Variants in NT5DC3 observed in about 807,000 individuals in gnomAD.
NT5DC3 encodes the protein 5'-nucleotidase domain containing 3.
A neutral mutation model predicts 67.8 loss-of-function variants in NT5DC3; 42 were observed. The observed-to-expected ratio is 0.62, with a 90% CI of 0.48 to 0.80. The LOEUF (loss-of-function observed/expected upper bound fraction) is 0.80. NT5DC3 is among the 30% of genes least tolerant of loss of function. The pLI is 0.00. For synonymous variants in NT5DC3, 237 were observed against 255.6 expected (o/e 0.93, Z 0.69); for missense variants, 570 against 696.4 (o/e 0.82, Z 2.04).
At chr12:103,755,604 C>A in the NT5DC3 span, 1 of 1,613,996 alleles carries the variant, frequency 6.2e-7, no homozygotes, top group Non-Finnish European at 8.5e-7. Context: ...TGTGCCTCTG[C>A]CCTCCAGATG....
At chr12:103,770,154 T>C (rs999920229), downstream of NT5DC3, among the ~76,000 whole-genome samples, 1 of 152,222 alleles carries the variant, frequency 6.6e-6, no homozygotes, top group Non-Finnish European at 1.5e-5. Context: ...TACACTTCCA[T>C]TCACTGAAAG....
At chr12:103,808,662 G>T (rs1047769982) in intron 2 of NT5DC3, among the ~76,000 whole-genome samples, 16 of 152,310 alleles carry the variant, frequency 1.1e-4, no homozygotes, top group African/African-American at 3.8e-4. Context: ...GCGTTTCCAA[G>T]AATTGAGAAC....
intron 7 of NT5DC3, 79 bp from the exon 8 acceptor site, chr12:103,793,591 G>T: frequency 9.7e-7 from 1 of 1,029,690 alleles, no homozygotes; most frequent in South Asian, 1.3e-5. Flanking sequence ...ATGGGGGTTT[G>T]GGTCCAGCAC....
chr12:103,825,153 A>G (rs1279637622), intron 1 of NT5DC3, among the ~76,000 whole-genome samples: 1 of 152,210 alleles, frequency 6.6e-6, no homozygotes, highest in Non-Finnish European at 1.5e-5. Flanking sequence ...TTTTTCCATT[A>G]GTTTATATAT....
At position 103,820,096 on chromosome 12, in the gene NT5DC3, AG is replaced by A. The variant is rs1887430417; in HGVS notation, c.209-4976del. 2.0e-5 allele frequency among the ~76,000 whole-genome samples: 3 copies of A among 152,158 alleles called. No individual in the cohort carries two copies. In the South Asian group the frequency reaches 6.2e-4, roughly 32 times the overall value. ...AGCATATGTCAGCCTCTCCTTCCTA[AG>A]GCTGCACAGTCCATTGTAGACATAA... On this transcript the variant is annotated intron_variant, in intron 1 of 13. Coordinates refer to ENST00000392876, the MANE Select transcript of NT5DC3 (RefSeq NM_001031701.3).
the NT5DC3 span, among the ~76,000 whole-genome samples, chr12:103,764,996 C>T: frequency 1.4e-5 from 2 of 138,858 alleles, no homozygotes; most frequent in Non-Finnish European, 3.0e-5. Context: ...GCTGAGGCAA[C>T]AGAATCGCTT....
chr12:103,795,960 A>C (rs1886294618), intron 6 of NT5DC3, among the ~76,000 whole-genome samples: 2 of 152,260 alleles, frequency 1.3e-5, no homozygotes, highest in African/African-American at 4.8e-5. Context: ...GGCGTTATTC[A>C]AGGACCTGTT....
the NT5DC3 span, among the ~76,000 whole-genome samples, chr12:103,756,997 ATATATATATATATATAT>A: frequency 1.5e-5 from 2 of 130,152 alleles, no homozygotes; most frequent in Non-Finnish European, 3.4e-5. Flanking sequence ...AGGAGGGAAA[ATATATATATATATATAT>A]ATATATATAT....
At chr12:103,750,554 A>T in the NT5DC3 span, 1 of 1,611,162 alleles carries the variant, frequency 6.2e-7, no homozygotes, top group Admixed American at 1.7e-5. Context: ...GAACTTTTTC[A>T]TCTCTTCCCA....
At chr12:103,757,040 A>G in the NT5DC3 span, among the ~76,000 whole-genome samples, 1 of 145,238 alleles carries the variant, frequency 6.9e-6, no homozygotes, top group African/African-American at 2.5e-5. Flanking sequence ...TAAAATATAT[A>G]TATTAAAGTA....
At chr12:103,761,651 G>A in the NT5DC3 span, among the ~76,000 whole-genome samples, 5 of 152,220 alleles carry the variant, frequency 3.3e-5, no homozygotes, top group African/African-American at 1.2e-4. Context: ...ATGAAAGGGG[G>A]AGGATGGGCC....
At chr12:103,750,329 C>T in the NT5DC3 span, among the ~76,000 whole-genome samples, 3,334 of 152,276 alleles carry the variant, frequency 0.022, 136 homozygotes, top group African/African-American at 0.076. Context: ...AATGGAAAAG[C>T]TACTTATGTA....
chr12:103,747,050 A>G, the NT5DC3 span, among the ~76,000 whole-genome samples: 1 of 146,318 alleles, frequency 6.8e-6, no homozygotes, highest in Admixed American at 7.1e-5. Context: ...TCCGCTTCCC[A>G]GGTTCAAGCA....
chr12:103,794,575 T>C (rs1432972342), intron 6 of NT5DC3, among the ~76,000 whole-genome samples: 1 of 152,244 alleles, frequency 6.6e-6, no homozygotes, highest in Non-Finnish European at 1.5e-5. Context: ...TAATTCTGAA[T>C]AAAGTCCCAC....
the NT5DC3 span, among the ~76,000 whole-genome samples, chr12:103,762,731 C>T: frequency 6.6e-6 from 1 of 152,218 alleles, no homozygotes; most frequent in Non-Finnish European, 1.5e-5. Context: ...TTGGAGGATT[C>T]ACTGCACAAG....
chr12:103,788,780 A>C (rs1055995064), intron 10 of NT5DC3, 58 bp downstream of exon 10: 4 of 1,073,154 alleles, frequency 3.7e-6, no homozygotes. Flanking sequence ...ATCAGCTATT[A>C]GCATTATTAC....
the NT5DC3 span, chr12:103,763,506 T>G: frequency 6.2e-7 from 1 of 1,614,108 alleles, no homozygotes; most frequent in Non-Finnish European, 8.5e-7. Context: ...AAGAGGACAT[T>G]AATGTTGCAG....
chr12:103,746,394 A>T, the NT5DC3 span: 282 of 537,258 alleles, frequency 5.2e-4, no homozygotes, highest in African/African-American at 4.9e-3. Flanking sequence ...TGCAGAGATC[A>T]TGTCTTACTA....
At chr12:103,813,395 A>C (rs759160242) in intron 2 of NT5DC3, among the ~76,000 whole-genome samples, 1 of 152,244 alleles carries the variant, frequency 6.6e-6, no homozygotes, top group Non-Finnish European at 1.5e-5. Context: ...ACATCTAGTA[A>C]AGTGGCCATA....
Sources: gnomAD v4.1 joint callset for allele counts (sites outside exome capture counted in the v4.1 genomes callset) on GRCh38, gnomAD v4.1.1 for gene constraint, MANE v1.5 for transcripts, NCBI Gene and HGNC (gene_info 2026-07-23, HGNC 2026-07-21) for gene names.